Variants in ARHGAP42 observed in about 807,000 individuals in gnomAD.
ARHGAP42 encodes the protein rho GTPase-activating protein 42.
In ARHGAP42, 63 loss-of-function variants were observed where a neutral mutation model predicts 125.0. The ratio of observed to expected loss-of-function variants is 0.50; its 90% CI spans 0.41 to 0.62. The LOEUF (loss-of-function observed/expected upper bound fraction) is 0.62. Ranked by LOEUF, ARHGAP42 falls within the 20% of genes least tolerant of loss-of-function variation. The pLI is 0.00. For synonymous variants in ARHGAP42, 339 were observed against 351.0 expected (o/e 0.97, Z 0.38); for missense variants, 766 against 1,024.2 (o/e 0.75, Z 3.44).
At chr11:100,895,800 A>G (rs149549230) in intron 4 of ARHGAP42, among the ~76,000 whole-genome samples, 83 of 152,154 alleles carry the variant, frequency 5.5e-4, no homozygotes, top group African/African-American at 1.9e-3. Context: ...ATTACAGTGA[A>G]AAAGGATGGA....
intron 2 of ARHGAP42, among the ~76,000 whole-genome samples, chr11:100,779,924 G>A (rs1863260585): frequency 6.6e-6 from 1 of 151,798 alleles, no homozygotes; most frequent in Admixed American, 6.6e-5. Flanking sequence ...TACTCGGGAG[G>A]CTGAGGCGGG....
At chr11:100,956,677 G>T (rs900751795) in intron 12 of ARHGAP42, among the ~76,000 whole-genome samples, 2 of 152,124 alleles carry the variant, frequency 1.3e-5, no homozygotes, top group Non-Finnish European at 2.9e-5. Context: ...TAGCTCTAGT[G>T]AGAGGATATG....
At chr11:100,967,197 C>T (rs1858117664) in intron 17 of ARHGAP42, among the ~76,000 whole-genome samples, 1 of 152,160 alleles carries the variant, frequency 6.6e-6, no homozygotes, top group South Asian at 2.1e-4. Flanking sequence ...ATTGGGATTC[C>T]AAAGACTAAA....
At chr11:100,942,107 A>C (rs1470615927) in intron 9 of ARHGAP42, among the ~76,000 whole-genome samples, 2 of 152,182 alleles carry the variant, frequency 1.3e-5, no homozygotes, top group Non-Finnish European at 2.9e-5. Flanking sequence ...CAGTCGAGTT[A>C]AATGTAGGGA....
chr11:100,749,146 A>G (rs1188743672), intron 1 of ARHGAP42, among the ~76,000 whole-genome samples: 1 of 152,100 alleles, frequency 6.6e-6, no homozygotes, highest in Non-Finnish European at 1.5e-5. Flanking sequence ...AGAAGAAAGG[A>G]AAGGGGAGTT....
intron 4 of ARHGAP42, among the ~76,000 whole-genome samples, chr11:100,878,130 CT>C (rs890184852): frequency 2.7e-4 from 41 of 150,436 alleles, no homozygotes; most frequent in African/African-American, 1.0e-3. Flanking sequence ...CCTTCTATTT[CT>C]TTTTTTCTTT....
At chr11:100,692,391 G>A (rs941188792) in intron 1 of ARHGAP42, among the ~76,000 whole-genome samples, 4 of 152,090 alleles carry the variant, frequency 2.6e-5, no homozygotes, top group Non-Finnish European at 5.9e-5. Flanking sequence ...TACAAAACTT[G>A]TCAGCAACAT....
At chr11:100,955,235 GGA>G (rs1306275675) in intron 12 of ARHGAP42, among the ~76,000 whole-genome samples, 3 of 150,772 alleles carry the variant, frequency 2.0e-5, no homozygotes, top group Non-Finnish European at 4.4e-5. Flanking sequence ...TTACAGAGGG[GGA>G]AAAAAAAAGG....
intron 2 of ARHGAP42, among the ~76,000 whole-genome samples, chr11:100,772,816 T>C (rs1465595480): frequency 6.6e-6 from 1 of 152,240 alleles, no homozygotes; most frequent in Non-Finnish European, 1.5e-5. Context: ...CCCACATATT[T>C]ACGTAACAGT....
At chr11:100,947,710 C>T (rs1487509558) in intron 10 of ARHGAP42, among the ~76,000 whole-genome samples, 5 of 151,780 alleles carry the variant, frequency 3.3e-5, no homozygotes, top group African/African-American at 7.2e-5. Flanking sequence ...TATTATTTGT[C>T]ATTCCAGGTT....
At chr11:100,801,758 A>G (rs993595109) in intron 3 of ARHGAP42, among the ~76,000 whole-genome samples, 6 of 152,224 alleles carry the variant, frequency 3.9e-5, no homozygotes, top group Admixed American at 2.6e-4. Context: ...TGTCTCATAC[A>G]TCTCACACAC....
chr11:100,835,186 T>C (rs1307688112), intron 3 of ARHGAP42, among the ~76,000 whole-genome samples: 1 of 152,120 alleles, frequency 6.6e-6, no homozygotes, highest in Admixed American at 6.6e-5. Context: ...CTTACGAGGT[T>C]CCTCCTCTTC....
At chr11:100,790,785 T>TA (rs1247492335) in intron 2 of ARHGAP42, among the ~76,000 whole-genome samples, 1 of 152,230 alleles carries the variant, frequency 6.6e-6, no homozygotes, top group Admixed American at 6.5e-5. Context: ...GTTCTTGTCA[T>TA]AAAAAATATT....
intron 12 of ARHGAP42, among the ~76,000 whole-genome samples, chr11:100,956,421 G>A (rs563569268): frequency 1.3e-5 from 2 of 152,258 alleles, no homozygotes; most frequent in East Asian, 1.9e-4. Flanking sequence ...TGGAACTTGA[G>A]TTGATAGAGA....
At chr11:100,840,402 A>G (rs976519935) in intron 3 of ARHGAP42, among the ~76,000 whole-genome samples, 3 of 152,174 alleles carry the variant, frequency 2.0e-5, no homozygotes, top group Non-Finnish European at 4.4e-5. Context: ...ATTGTTCAAG[A>G]TCTATCACTT....
At chr11:100,942,390 T>G (rs766289676) in intron 9 of ARHGAP42, among the ~76,000 whole-genome samples, 4 of 152,170 alleles carry the variant, frequency 2.6e-5, no homozygotes, top group Admixed American at 6.6e-5. Context: ...AAAAGTAAAT[T>G]GGTCACTGAA....
At chr11:100,693,160 GT>G (rs11453104) in intron 1 of ARHGAP42, among the ~76,000 whole-genome samples, 134 of 141,850 alleles carry the variant, frequency 9.4e-4, no homozygotes, top group Middle Eastern at 3.6e-3. Flanking sequence ...TTGCACGTAG[GT>G]TTTTTTTTTT....
intron 1 of ARHGAP42, 85 bp from the exon 2 acceptor site, chr11:100,770,258 A>C (rs771647012): frequency 5.5e-6 from 5 of 901,070 alleles, no homozygotes; most frequent in Non-Finnish European, 8.4e-6. Context: ...TACAAAATCA[A>C]AGTTATATAA....
At position 100,687,629 on chromosome 11, in the gene ARHGAP42, T is replaced by G. The variant is rs1861107238; in HGVS notation, c.-50T>G. 1 of 1,282,818 alleles carries G rather than the reference T, an allele frequency of 7.8e-7. No homozygotes were observed. Among genetic ancestry groups the G allele is most frequent in the African/African-American group, 1.5e-5 (1 of 64,628 alleles). 79.5% of individuals were successfully genotyped at this position (1,282,818 alleles called of 1,614,324 possible). ...CCGCGGCCGCCGGCTGCCCCCGCCC[T>G]GACCTCCGGCCCGGACGTGTCCGCG... is the stretch of plus-strand genomic sequence containing the variant. On this transcript the variant is annotated 5_prime_UTR_variant, in exon 1 of 24. Transcript: ENST00000298815.
Sources: gnomAD v4.1 joint callset for allele counts (sites outside exome capture counted in the v4.1 genomes callset) on GRCh38, gnomAD v4.1.1 for gene constraint, MANE v1.5 for transcripts, NCBI Gene and HGNC (gene_info 2026-07-23, HGNC 2026-07-21) for gene names.